The following LMBR1 variants were observed in gnomAD, a reference collection of about 807,000 sequenced individuals.
LMBR1 encodes the protein limb development membrane protein 1, also known as limb region 1 protein homolog.
LMBR1 carries 52 observed loss-of-function variants against 73.9 expected under a neutral mutation model. That is an observed-to-expected ratio of 0.70 (90% CI 0.56 to 0.89). The LOEUF is 0.89. Among genes scored for constraint, LMBR1 ranks in the 40% least tolerant of loss-of-function variants. The pLI is 0.00. For synonymous variants in LMBR1, 215 were observed against 209.4 expected, an observed-to-expected ratio of 1.03 and a Z score of -0.23; for missense variants, 539 against 579.8, an observed-to-expected ratio of 0.93 and a Z score of 0.72.
chr7:156,755,322 A>C (rs1360576026), intron 9 of LMBR1, among the ~76,000 whole-genome samples: 1 of 152,220 alleles, frequency 6.6e-6, no homozygotes, highest in African/African-American at 2.4e-5. Context: ...GTGGAAGGGG[A>C]AAGTGAGAAA....
chr7:156,804,757 T>C (rs550122085), intron 4 of LMBR1, among the ~76,000 whole-genome samples: 1 of 152,228 alleles, frequency 6.6e-6, no homozygotes, highest in African/African-American at 2.4e-5. Context: ...CTTTATAAGG[T>C]ATGTGATTTG....
intron 1 of LMBR1, among the ~76,000 whole-genome samples, chr7:156,864,017 G>A (rs968402687): frequency 2.0e-5 from 3 of 152,044 alleles, no homozygotes; most frequent in Admixed American, 1.3e-4. Flanking sequence ...AGCCAGCTGT[G>A]GTGGCACACA....
intron 1 of LMBR1, among the ~76,000 whole-genome samples, chr7:156,862,682 AGT>A (rs1306223819): frequency 6.6e-6 from 1 of 152,214 alleles, no homozygotes; most frequent in Non-Finnish European, 1.5e-5. Flanking sequence ...TTCTGTAAAA[AGT>A]GTATCTGATA....
At chr7:156,796,594 TA>T in intron 4 of LMBR1, 102 bp from the exon 5 acceptor site, 1 of 625,622 alleles carries the variant, frequency 1.6e-6, no homozygotes, top group Non-Finnish European at 2.6e-6. Context: ...AAACAAAAAG[TA>T]ACAAATGACC....
At chr7:156,835,744 C>T (rs1837528945) in intron 2 of LMBR1, among the ~76,000 whole-genome samples, 1 of 151,938 alleles carries the variant, frequency 6.6e-6, no homozygotes, top group Admixed American at 6.6e-5. Flanking sequence ...GTTAATGTCT[C>T]CATATTCATT....
At chr7:156,695,861 C>T (rs1808170995) in intron 15 of LMBR1, among the ~76,000 whole-genome samples, 2 of 142,902 alleles carry the variant, frequency 1.4e-5, no homozygotes, top group Admixed American at 1.4e-4. Flanking sequence ...AAAAAAGACA[C>T]TGATGGAAAA....
At chr7:156,847,739 C>A (rs1433576093) in intron 1 of LMBR1, among the ~76,000 whole-genome samples, 1 of 152,136 alleles carries the variant, frequency 6.6e-6, no homozygotes, top group African/African-American at 2.4e-5. Flanking sequence ...ATTAGAATGA[C>A]TAAAATCCAG....
chr7:156,714,463 A>G (rs1182861238), intron 15 of LMBR1, among the ~76,000 whole-genome samples: 1 of 152,214 alleles, frequency 6.6e-6, no homozygotes, highest in African/African-American at 2.4e-5. Flanking sequence ...TGTTTCTAAC[A>G]CACCTGAAGA....
chr7:156,734,175 A>G lies in LMBR1; in HGVS notation c.838+2T>C. The G allele has an allele frequency of 6.3e-7, 1 of 1,584,388 alleles. No homozygotes were observed. Among genetic ancestry groups the G allele is most frequent in the Middle Eastern group, 1.7e-4 (1 of 5,940 alleles). ...CAAGTCAAGAAAAAAAAAGTACAATACCTAATTTTGTCTTAAGAGTCTTTA... is the reference window on the plus strand; with the variant it reads ...CAAGTCAAGAAAAAAAAAGTACAATGCCTAATTTTGTCTTAAGAGTCTTTA... On this transcript the variant is annotated splice_donor_variant, in intron 10 of 16. Transcript: ENST00000353442. LOFTEE classifies it high-confidence loss of function.
At chr7:156,771,552 G>A (rs1187213349) in intron 5 of LMBR1, among the ~76,000 whole-genome samples, 3 of 152,120 alleles carry the variant, frequency 2.0e-5, no homozygotes, top group African/African-American at 4.8e-5. Context: ...TTCAAACCCT[G>A]AACAGATGAA....
At chr7:156,692,314 T>C (rs1345217929) in intron 15 of LMBR1, among the ~76,000 whole-genome samples, 1 of 152,204 alleles carries the variant, frequency 6.6e-6, no homozygotes, top group East Asian at 1.9e-4. Context: ...TGACCTCAGA[T>C]GATCCGCCCT....
intron 9 of LMBR1, among the ~76,000 whole-genome samples, chr7:156,746,673 A>C (rs1019252819): frequency 2.0e-5 from 3 of 152,206 alleles, no homozygotes; most frequent in African/African-American, 7.2e-5. Context: ...GAGATGACAC[A>C]TTATTCAAGG....
intron 5 of LMBR1, among the ~76,000 whole-genome samples, chr7:156,791,010 C>T (rs1357434255): frequency 6.6e-6 from 1 of 152,142 alleles, no homozygotes; most frequent in Non-Finnish European, 1.5e-5. Context: ...AAGGTAAAAA[C>T]TAGTGCTCTC....
chr7:156,832,672 T>A (rs1019814347), intron 3 of LMBR1, among the ~76,000 whole-genome samples: 1 of 152,230 alleles, frequency 6.6e-6, no homozygotes, highest in African/African-American at 2.4e-5. Context: ...TATTTGTATG[T>A]GTGTACAAGT....
chr7:156,698,383 G>A lies in LMBR1; in HGVS notation c.1226-10192C>T, dbSNP rs908835884. Among the ~76,000 whole-genome samples the A allele has an allele frequency of 5.9e-5, 9 of 152,230 alleles. No homozygotes were observed. The East Asian group carries it at 7.7e-4, about 13-fold the overall frequency. ...TAGGCAGTGCCCCAGTAGGGACTCC[G>A]TGTGGGGGCTCTGACCCCACATTTT... On this transcript the variant is annotated intron_variant, in intron 15 of 16. Coordinates refer to ENST00000353442, the MANE Select transcript of LMBR1 (RefSeq NM_022458.4).
chr7:156,868,343 A>G (rs1037978080), intron 1 of LMBR1, among the ~76,000 whole-genome samples: 1 of 151,748 alleles, frequency 6.6e-6, no homozygotes. Context: ...ACAGGCACAC[A>G]CCCCCATGCC....
At chr7:156,765,303 T>G (rs1823883099) in intron 5 of LMBR1, among the ~76,000 whole-genome samples, 1 of 152,214 alleles carries the variant, frequency 6.6e-6, no homozygotes, top group Non-Finnish European at 1.5e-5. Context: ...CATGCTGTTC[T>G]CATGATATTG....
At chr7:156,821,727 T>A (rs1336664824) in intron 4 of LMBR1, among the ~76,000 whole-genome samples, 1 of 152,306 alleles carries the variant, frequency 6.6e-6, no homozygotes, top group South Asian at 2.1e-4. Flanking sequence ...AAGATTTTAA[T>A]AATTAAGTGG....
chr7:156,851,772 G>C (rs968460811), intron 1 of LMBR1, among the ~76,000 whole-genome samples: 1 of 152,008 alleles, frequency 6.6e-6, no homozygotes, highest in African/African-American at 2.4e-5. Context: ...ATTTCAGAAT[G>C]GTGGAATTTC....
Sources: allele counts gnomAD v4.1 joint callset (sites outside exome capture counted in the v4.1 genomes callset), GRCh38; gene constraint gnomAD v4.1.1; transcripts MANE v1.5; gene names NCBI Gene and HGNC (gene_info 2026-07-23, HGNC 2026-07-21).